Variants in EDA observed in about 807,000 individuals in gnomAD.
The protein encoded by EDA is ectodysplasin-A.
Under a neutral mutation model 23.6 loss-of-function variants are expected in EDA, and 2 were observed. The ratio of observed to expected loss-of-function variants is 0.08; its 90% CI spans 0.03 to 0.27. The LOEUF is 0.27. EDA is among the 10% of genes least tolerant of loss of function. The pLI is 1.00. For missense variants in EDA, 229 were observed against 324.2 expected, an observed-to-expected ratio of 0.71 and a Z score of 2.26; for synonymous variants, 131 against 132.0, an observed-to-expected ratio of 0.99 and a Z score of 0.05.
intron 1 of EDA, among the ~76,000 whole-genome samples, chrX:69,789,152 CA>C (rs1171598891): frequency 8.9e-6 from 1 of 112,217 alleles, no homozygotes; most frequent in African/African-American, 3.2e-5. Context: ...TGCTTGGGCT[CA>C]TGCATGGTGC....
intron 1 of EDA, among the ~76,000 whole-genome samples, chrX:69,627,186 G>C (rs1306851799): frequency 1.8e-5 from 2 of 111,307 alleles, no homozygotes; most frequent in Non-Finnish European, 3.8e-5. Flanking sequence ...GGTGCATGTG[G>C]GACCCAATAG....
chrX:69,726,151 T>A (rs2012795091), intron 1 of EDA, among the ~76,000 whole-genome samples: 1 of 112,113 alleles, frequency 8.9e-6, no homozygotes, highest in Non-Finnish European at 1.9e-5. Flanking sequence ...TTTACACTAT[T>A]TTTTCCTTTG....
intron 1 of EDA, among the ~76,000 whole-genome samples, chrX:69,699,550 T>G (rs971934145): frequency 5.4e-5 from 6 of 111,031 alleles, no homozygotes; most frequent in African/African-American, 2.0e-4. Flanking sequence ...GAGAGATGGT[T>G]TTATGCTTTT....
chrX:69,847,139 CTTA>C (rs1337283135), intron 1 of EDA, among the ~76,000 whole-genome samples: 1 of 111,190 alleles, frequency 9.0e-6, no homozygotes, highest in African/African-American at 3.3e-5. Context: ...GTTGTTGGTG[CTTA>C]TTGAGAAGTC....
At chrX:69,994,494 A>G (rs2019630395) in intron 2 of EDA, among the ~76,000 whole-genome samples, 1 of 112,172 alleles carries the variant, frequency 8.9e-6, no homozygotes, top group Admixed American at 9.5e-5. Context: ...CTTTGTAAAT[A>G]CAGATTTCCT....
chrX:69,817,012 C>A (rs187204212), intron 1 of EDA, among the ~76,000 whole-genome samples: 173 of 111,571 alleles, frequency 1.6e-3, no homozygotes, highest in Non-Finnish European at 2.1e-3. Flanking sequence ...TAACAGCGGA[C>A]CTCTCAGTGG....
At chrX:70,021,034 A>G (rs1354804269) in intron 2 of EDA, among the ~76,000 whole-genome samples, 1 of 112,117 alleles carries the variant, frequency 8.9e-6, no homozygotes, top group Non-Finnish European at 1.9e-5. Context: ...TAGAAGCTTA[A>G]AAAGATTTTA....
chrX:69,732,262 C>A (rs2013063485), intron 1 of EDA, among the ~76,000 whole-genome samples: 1 of 110,984 alleles, frequency 9.0e-6, no homozygotes, highest in Admixed American at 9.6e-5. Context: ...TCCACCACCC[C>A]ACAACAGGCC....
At chrX:69,761,836 A>G (rs1313327803) in intron 1 of EDA, among the ~76,000 whole-genome samples, 1 of 111,225 alleles carries the variant, frequency 9.0e-6, no homozygotes, top group African/African-American at 3.3e-5. Context: ...CCTCCTCCTA[A>G]TCATTTGTAC....
chrX:69,946,528 A>G (rs2018836423), intron 1 of EDA, among the ~76,000 whole-genome samples: 1 of 112,008 alleles, frequency 8.9e-6, no homozygotes, highest in Non-Finnish European at 1.9e-5. Flanking sequence ...TGTAAACTGA[A>G]TATCACTCAT....
intron 1 of EDA, among the ~76,000 whole-genome samples, chrX:69,721,852 G>T (rs1448027061): frequency 1.8e-5 from 2 of 111,494 alleles, no homozygotes; most frequent in Non-Finnish European, 1.9e-5. Flanking sequence ...GTTGTGTTTA[G>T]CTGAGAGAAG....
At chrX:69,672,354 A>C (rs1225354146) in intron 1 of EDA, 1 of 112,207 alleles carries the variant, frequency 8.9e-6, no homozygotes, top group East Asian at 2.8e-4. Flanking sequence ...TATGAGCCCC[A>C]AAAAGCAAAT....
chrX:69,734,726 T>G lies in EDA; in HGVS notation c.396+118022T>G, dbSNP rs1438693244. On this transcript the variant is annotated intron_variant, in intron 1 of 7. Coordinates refer to ENST00000374552, the MANE Select transcript of EDA (RefSeq NM_001399.5). ...TAGATATTGTTTAATTTCCAAGCAT[T>G]TGGAAATTAAAGCCTATTTTATGTT... 6.2e-5 allele frequency among the ~76,000 whole-genome samples: 7 copies of G among 112,061 alleles called. No individual in the cohort carries two copies. The Admixed American group carries it at 6.7e-4, about 11-fold the overall frequency.
intron 1 of EDA, among the ~76,000 whole-genome samples, chrX:69,713,493 T>C (rs1030933760): frequency 2.7e-5 from 3 of 111,724 alleles, no homozygotes; most frequent in Admixed American, 9.5e-5. Flanking sequence ...TGTCCTTTTA[T>C]AAACACACCC....
rs1401734375 is a variant in EDA at position 69,937,338 on chromosome X, G to T, written c.397-19689G>T. ...TCCTGTCAGCAATGATTTAGATCCT[G>T]CCTGATGTGGTGGTCCTATCTATGC... is the stretch of plus-strand genomic sequence containing the variant. On this transcript the variant is annotated intron_variant, in intron 1 of 7. Coordinates refer to ENST00000374552, the MANE Select transcript of EDA (RefSeq NM_001399.5). 8 of 623,222 alleles carry T rather than the reference G, an allele frequency of 1.3e-5. No individual in the cohort carries two copies. In the East Asian group the frequency reaches 2.3e-4, roughly 18 times the overall value. 51.4% of individuals were successfully genotyped at this position (623,222 alleles called of 1,213,427 possible).
chrX:69,676,329 G>A (rs1352904442), intron 1 of EDA, among the ~76,000 whole-genome samples: 1 of 111,706 alleles, frequency 9.0e-6, no homozygotes, highest in African/African-American at 3.3e-5. Context: ...TAAGTTAGGT[G>A]AGAGCTGATG....
At chrX:70,011,443 G>A (rs1215262029) in intron 2 of EDA, among the ~76,000 whole-genome samples, 1 of 108,071 alleles carries the variant, frequency 9.3e-6, no homozygotes, top group East Asian at 2.9e-4. Flanking sequence ...CAATTCTCGT[G>A]CCTCAGCCTC....
At chrX:69,804,653 C>T (rs2147492910) in intron 1 of EDA, among the ~76,000 whole-genome samples, 1 of 109,949 alleles carries the variant, frequency 9.1e-6, no homozygotes. Context: ...TGGGAAAATC[C>T]TTATGAAATA....
intron 1 of EDA, among the ~76,000 whole-genome samples, chrX:69,927,105 C>T (rs1219757357): frequency 9.0e-6 from 1 of 111,247 alleles, no homozygotes; most frequent in African/African-American, 3.3e-5. Context: ...ACTCTTTATC[C>T]AATTTACCAG....
Sources: allele counts gnomAD v4.1 joint callset (sites outside exome capture counted in the v4.1 genomes callset), GRCh38; gene constraint gnomAD v4.1.1; transcripts MANE v1.5; gene names NCBI Gene and HGNC (gene_info 2026-07-23, HGNC 2026-07-21).